CLIC5: variants seen among roughly 807,000 people sequenced by gnomAD.
The protein encoded by CLIC5 is chloride intracellular channel protein 5.
CLIC5 carries 20 observed loss-of-function variants against 24.7 expected under a neutral mutation model. That is an observed-to-expected ratio of 0.81 (90% confidence interval 0.57 to 1.18). The LOEUF is 1.18. CLIC5 is among the 50% of genes most tolerant of loss of function. The pLI, the probability that CLIC5 is intolerant of heterozygous loss-of-function variation, is 0.00. For synonymous variants in CLIC5, 159 were observed against 135.6 expected (o/e 1.17, Z -1.20); for missense variants, 341 against 326.1 (o/e 1.05, Z -0.35).
intron 1 of CLIC5, among the ~76,000 whole-genome samples, chr6:45,972,919 G>A (rs774474771): frequency 4.6e-5 from 7 of 152,164 alleles, no homozygotes; most frequent in Non-Finnish European, 7.3e-5. Flanking sequence ...CTCCACTCTT[G>A]TTCATAGTAA....
upstream of CLIC5, among the ~76,000 whole-genome samples, chr6:46,020,193 T>A (rs547160234): frequency 6.6e-6 from 1 of 152,272 alleles, no homozygotes; most frequent in South Asian, 2.1e-4. Context: ...AGAACAAACT[T>A]CATTACGTTA....
intron 1 of CLIC5, among the ~76,000 whole-genome samples, chr6:45,965,290 A>G (rs974334118): frequency 6.6e-6 from 1 of 152,210 alleles, no homozygotes; most frequent in African/African-American, 2.4e-5. Flanking sequence ...TCTGTTCTCT[A>G]TAAGACTATT....
chr6:46,125,525 T>C, the CLIC5 span, among the ~76,000 whole-genome samples: 1 of 152,158 alleles, frequency 6.6e-6, no homozygotes, highest in East Asian at 1.9e-4. Context: ...TGTATACATA[T>C]GTAACAAACT....
intron 1 of CLIC5, among the ~76,000 whole-genome samples, chr6:45,972,702 T>C (rs905329176): frequency 6.6e-6 from 1 of 152,202 alleles, no homozygotes; most frequent in Non-Finnish European, 1.5e-5. Flanking sequence ...TCTAAGTGAT[T>C]TATGCCTCTT....
chr6:45,961,422 C>G (rs574970158), intron 1 of CLIC5, among the ~76,000 whole-genome samples: 2 of 152,210 alleles, frequency 1.3e-5, no homozygotes, highest in Non-Finnish European at 1.5e-5. Context: ...GTTCCCATAG[C>G]AGAATCAGGT....
chr6:46,012,775 TG>T (rs1766852044), intron 1 of CLIC5, among the ~76,000 whole-genome samples: 1 of 152,250 alleles, frequency 6.6e-6, no homozygotes, highest in East Asian at 1.9e-4. Context: ...CTTAGTTCCC[TG>T]GGCTGTTACA....
At chr6:46,071,863 A>G (rs947534390) in intron 1 of CLIC5, among the ~76,000 whole-genome samples, 2 of 152,202 alleles carry the variant, frequency 1.3e-5, no homozygotes, top group African/African-American at 4.8e-5. Context: ...TAGACTGGAT[A>G]AAGAAAATGT....
chr6:45,927,704 C>A (rs562425954), intron 4 of CLIC5, among the ~76,000 whole-genome samples: 2 of 152,272 alleles, frequency 1.3e-5, no homozygotes, highest in South Asian at 4.1e-4. Flanking sequence ...CCCCTAGAGA[C>A]TCAAAGTGTT....
At chr6:45,892,115 C>T (rs1222803770) in intron 6 of CLIC5, 1 of 152,134 alleles carries the variant, frequency 6.6e-6, no homozygotes, top group Non-Finnish European at 1.5e-5. Flanking sequence ...CCGAGGAAGA[C>T]TATTGTTTGT....
intron 4 of CLIC5, among the ~76,000 whole-genome samples, chr6:45,916,715 T>C (rs890352498): frequency 1.3e-5 from 2 of 152,228 alleles, no homozygotes; most frequent in Non-Finnish European, 2.9e-5. Context: ...CTTGGGAAGA[T>C]AGTTCTTTAT....
At chr6:45,925,560 CT>C (rs1326207194) in intron 4 of CLIC5, among the ~76,000 whole-genome samples, 1 of 152,216 alleles carries the variant, frequency 6.6e-6, no homozygotes, top group African/African-American at 2.4e-5. Context: ...CGTGATCCGC[CT>C]GCCCTGGCCT....
At chr6:46,128,068 C>T in the CLIC5 span, among the ~76,000 whole-genome samples, 1 of 152,216 alleles carries the variant, frequency 6.6e-6, no homozygotes, top group South Asian at 2.1e-4. Context: ...TTCCACAAGA[C>T]GATAAATATC....
chr6:46,101,122 C>T, the CLIC5 span, among the ~76,000 whole-genome samples: 4 of 152,186 alleles, frequency 2.6e-5, no homozygotes, highest in Admixed American at 2.6e-4. Flanking sequence ...TGCCAACCCA[C>T]TAAGTCAACA....
At chr6:46,094,889 C>G in the CLIC5 span, among the ~76,000 whole-genome samples, 1 of 152,222 alleles carries the variant, frequency 6.6e-6, no homozygotes, top group Non-Finnish European at 1.5e-5. Flanking sequence ...AGAGGTTCTC[C>G]CTGAGGGCTC....
intron 4 of CLIC5, among the ~76,000 whole-genome samples, chr6:45,921,521 T>C (rs1209348219): frequency 2.6e-5 from 4 of 151,998 alleles, no homozygotes; most frequent in Admixed American, 2.6e-4. Flanking sequence ...AGAGTGAGAC[T>C]TGATTAAAGT....
At chr6:46,121,823 A>C in the CLIC5 span, among the ~76,000 whole-genome samples, 1 of 152,192 alleles carries the variant, frequency 6.6e-6, no homozygotes, top group South Asian at 2.1e-4. Context: ...AAAGATCAAA[A>C]GAGACAAAGA....
At chr6:46,006,334 C>T (rs553794652) in intron 1 of CLIC5, among the ~76,000 whole-genome samples, 439 of 148,072 alleles carry the variant, frequency 3.0e-3, no homozygotes, top group African/African-American at 9.6e-3. Context: ...TTAGTAGAGA[C>T]GGGGTTTCAC....
intron 5 of CLIC5, among the ~76,000 whole-genome samples, chr6:45,906,560 T>A (rs997294487): frequency 1.4e-5 from 2 of 145,052 alleles, no homozygotes; most frequent in Admixed American, 1.4e-4. Context: ...TTTTTGTACA[T>A]TGACTTTTTT....
At chr6:45,919,307 G>T (rs1663453143) in intron 4 of CLIC5, among the ~76,000 whole-genome samples, 1 of 152,146 alleles carries the variant, frequency 6.6e-6, no homozygotes, top group Non-Finnish European at 1.5e-5. Flanking sequence ...GAATCTATGG[G>T]TGGAAGGCTT....
Sources: gnomAD v4.1 joint callset for allele counts (sites outside exome capture counted in the v4.1 genomes callset) on GRCh38, gnomAD v4.1.1 for gene constraint, MANE v1.5 for transcripts, NCBI Gene and HGNC (gene_info 2026-07-23, HGNC 2026-07-21) for gene names.